The following AGMO variants were observed in gnomAD, a reference collection of about 807,000 sequenced individuals.
AGMO encodes the protein glyceryl-ether monooxygenase.
AGMO carries 75 observed loss-of-function variants against 60.2 expected under a neutral mutation model. The ratio of observed to expected loss-of-function variants is 1.25; its 90% CI spans 1.03 to 1.51. The LOEUF is 1.51. Among genes scored for constraint, AGMO ranks in the 40% most tolerant of loss-of-function variants. The pLI, the probability that AGMO is intolerant of heterozygous loss-of-function variation, is 0.00. For synonymous variants in AGMO, 261 were observed against 177.1 expected (o/e 1.47, Z -3.76); for missense variants, 763 against 525.5 (o/e 1.45, Z -4.42).
the AGMO span, among the ~76,000 whole-genome samples, chr7:15,182,423 A>T: frequency 6.6e-6 from 1 of 152,114 alleles, no homozygotes; most frequent in African/African-American, 2.4e-5. Context: ...TTATTTATTT[A>T]TTATTTTATT....
chr7:15,368,345 G>A (rs1277161562), intron 10 of AGMO, among the ~76,000 whole-genome samples: 2 of 150,802 alleles, frequency 1.3e-5, no homozygotes, highest in African/African-American at 2.4e-5. Flanking sequence ...TTGTTACTTT[G>A]TTTGATTAAA....
At position 15,491,319 on chromosome 7, in the gene AGMO, A is replaced by T. The variant is rs189919457; in HGVS notation, c.409+53453T>A. On this transcript the variant is annotated intron_variant, in intron 3 of 12. Transcript: ENST00000342526. ...TAGGCAAATTATACTGGGTGTTGTG[A>T]CTTAAGCAATGCTAAGAAAAGTGTC... is the stretch of plus-strand genomic sequence containing the variant. Among the ~76,000 whole-genome samples the T allele has an allele frequency of 5.4e-4, 82 of 152,264 alleles. 1 individual carries two copies. The highest frequency in any genetic ancestry group is 5.6e-4 in the Non-Finnish European group (38 of 68,016).
the AGMO span, among the ~76,000 whole-genome samples, chr7:15,173,778 T>C: frequency 1.3e-5 from 2 of 151,848 alleles, no homozygotes; most frequent in African/African-American, 4.8e-5. Context: ...AGATATAAAT[T>C]TGAAAATTTA....
At chr7:15,177,685 A>G in the AGMO span, among the ~76,000 whole-genome samples, 1 of 152,052 alleles carries the variant, frequency 6.6e-6, no homozygotes, top group Non-Finnish European at 1.5e-5. Flanking sequence ...AGAATAGAAG[A>G]TATTTGATCT....
chr7:15,355,058 C>T (rs1049834599), intron 12 of AGMO, among the ~76,000 whole-genome samples: 3 of 151,924 alleles, frequency 2.0e-5, no homozygotes, highest in Non-Finnish European at 4.4e-5. Flanking sequence ...AACATAGTAC[C>T]ATGGACATAG....
chr7:15,420,150 G>A (rs934103337), intron 4 of AGMO, among the ~76,000 whole-genome samples: 1 of 152,090 alleles, frequency 6.6e-6, no homozygotes. Context: ...ATTTCCCAAA[G>A]TGTGGAGAAG....
At position 15,303,944 on chromosome 7, in the gene AGMO, G is replaced by C. The variant is rs370497805; in HGVS notation, c.1263+61570C>G. On this transcript the variant is annotated intron_variant, in intron 12 of 12. Coordinates refer to ENST00000342526, the MANE Select transcript of AGMO (RefSeq NM_001004320.2). ...AAAATCATGATATAGACCTGGAAGA[G>C]AATAGGTCTGTGGGTATATCTCTAA... Among the ~76,000 whole-genome samples, 13 of 152,234 alleles carry C rather than the reference G, an allele frequency of 8.5e-5. No individual in the cohort carries two copies. In the East Asian group the frequency reaches 2.1e-3, roughly 25 times the overall value.
intron 5 of AGMO, among the ~76,000 whole-genome samples, chr7:15,407,232 C>CATAT (rs60144769): frequency 0.047 from 6,265 of 132,098 alleles, 467 homozygotes; most frequent in African/African-American, 0.16. Flanking sequence ...CTTTGGAATA[C>CATAT]ATATATATAT....
At chr7:15,200,093 T>C (rs183752421), downstream of AGMO, among the ~76,000 whole-genome samples, 182 of 152,270 alleles carry the variant, frequency 1.2e-3, 1 homozygote, top group South Asian at 2.7e-3. Context: ...ATTAGTTTTT[T>C]TTAGTACATG....
chr7:15,462,943 A>T (rs1782183841), intron 3 of AGMO, among the ~76,000 whole-genome samples: 1 of 152,182 alleles, frequency 6.6e-6, no homozygotes, highest in South Asian at 2.1e-4. Flanking sequence ...ACACAACGTC[A>T]GGTTGTTTGG....
chr7:15,353,460 T>G (rs912881260), intron 12 of AGMO, among the ~76,000 whole-genome samples: 1 of 152,184 alleles, frequency 6.6e-6, no homozygotes, highest in Admixed American at 6.5e-5. Flanking sequence ...TGCTCTTAGT[T>G]GATCTACTCT....
intron 3 of AGMO, among the ~76,000 whole-genome samples, chr7:15,465,980 C>T (rs1782274023): frequency 6.6e-6 from 1 of 152,084 alleles, no homozygotes; most frequent in African/African-American, 2.4e-5. Flanking sequence ...TCTAATTATT[C>T]ATTTGTACTG....
At chr7:15,218,327 ATGTGTGTGTG>A (rs138890087) in intron 12 of AGMO, among the ~76,000 whole-genome samples, 100 of 144,016 alleles carry the variant, frequency 6.9e-4, no homozygotes, top group South Asian at 2.2e-3. Context: ...TGGTGTGTGT[ATGTGTGTGTG>A]TGTGTGTGTG....
chr7:15,342,743 G>A (rs949220684), intron 12 of AGMO, among the ~76,000 whole-genome samples: 2 of 125,292 alleles, frequency 1.6e-5, no homozygotes, highest in African/African-American at 6.3e-5. Flanking sequence ...ACATAGTCAA[G>A]GCTTTTGTTC....
At chr7:15,354,489 C>CGCGTGTATATAT (rs1563105897) in intron 12 of AGMO, among the ~76,000 whole-genome samples, 2 of 14,438 alleles carry the variant, frequency 1.4e-4, no homozygotes, top group Non-Finnish European at 2.4e-4. Flanking sequence ...TGTGTATATA[C>CGCGTGTATATAT]ACACGTGTAT....
chr7:15,453,684 T>C (rs565611475), intron 3 of AGMO, among the ~76,000 whole-genome samples: 5 of 152,138 alleles, frequency 3.3e-5, no homozygotes, highest in Admixed American at 3.3e-4. Flanking sequence ...TGGAGAACAA[T>C]GAGCACTCCT....
intron 3 of AGMO, among the ~76,000 whole-genome samples, chr7:15,509,145 G>C (rs980101425): frequency 4.6e-5 from 7 of 152,082 alleles, no homozygotes; most frequent in Non-Finnish European, 8.8e-5. Context: ...GGAAGACTAA[G>C]TAATATAATT....
intron 12 of AGMO, among the ~76,000 whole-genome samples, chr7:15,217,167 G>C (rs1490707428): frequency 6.6e-6 from 1 of 151,964 alleles, no homozygotes; most frequent in African/African-American, 2.4e-5. Flanking sequence ...TGTGGTAGAT[G>C]GAAATGATAA....
the AGMO span, among the ~76,000 whole-genome samples, chr7:15,118,653 A>C: frequency 1.3e-5 from 2 of 152,076 alleles, no homozygotes; most frequent in African/African-American, 4.8e-5. Context: ...CAGAGAAGTG[A>C]TGAGTATAAT....
Sources: allele counts gnomAD v4.1 joint callset (sites outside exome capture counted in the v4.1 genomes callset), GRCh38; gene constraint gnomAD v4.1.1; transcripts MANE v1.5; gene names NCBI Gene and HGNC (gene_info 2026-07-23, HGNC 2026-07-21).